Variants in PDE8A observed in about 807,000 individuals in gnomAD.
PDE8A encodes the protein phosphodiesterase 8A, also known as high affinity cAMP-specific and IBMX-insensitive 3',5'-cyclic phosphodiesterase 8A.
PDE8A carries 59 observed loss-of-function variants against 105.0 expected under a neutral mutation model. The ratio of observed to expected loss-of-function variants is 0.56; its 90% CI spans 0.46 to 0.70. The LOEUF (loss-of-function observed/expected upper bound fraction) is 0.70, where lower values mean the gene tolerates loss of function less well. Ranked by LOEUF, PDE8A falls within the 30% of genes least tolerant of loss-of-function variation. PDE8A has a pLI of 0.00. For missense variants in PDE8A, 1,014 were observed against 1,045.9 expected (o/e 0.97, Z 0.42); for synonymous variants, 355 against 371.9 (o/e 0.95, Z 0.52).
intron 11 of PDE8A, among the ~76,000 whole-genome samples, chr15:85,107,060 T>TA (rs1352630709): frequency 2.0e-5 from 3 of 152,138 alleles, no homozygotes; most frequent in Non-Finnish European, 4.4e-5. Flanking sequence ...GGCAAGACAA[T>TA]AAAGCAGGCT....
chr15:85,080,568 C>A (rs1432512539), intron 5 of PDE8A, among the ~76,000 whole-genome samples: 1 of 152,158 alleles, frequency 6.6e-6, no homozygotes, highest in Non-Finnish European at 1.5e-5. Context: ...TGTTTGAGGT[C>A]TCTTTGAAAG....
chr15:85,038,214 GGGGTGTGTGTGTGTGTGTGT>G (rs1264133510), intron 1 of PDE8A, among the ~76,000 whole-genome samples: 90 of 144,260 alleles, frequency 6.2e-4, no homozygotes, highest in Non-Finnish European at 1.1e-3. Flanking sequence ...CTCCAATTGG[GGGGTGTGTGTGTGTGTGTGT>G]GTGTGTGTGT....
chr15:85,011,105 A>G (rs1346086523), intron 1 of PDE8A, among the ~76,000 whole-genome samples: 5 of 152,156 alleles, frequency 3.3e-5, no homozygotes, highest in Non-Finnish European at 7.4e-5. Flanking sequence ...CTTTGCAAGT[A>G]TCATAAATAT....
intron 1 of PDE8A, among the ~76,000 whole-genome samples, chr15:85,024,218 T>C (rs2080475066): frequency 6.7e-6 from 1 of 148,382 alleles, no homozygotes; most frequent in South Asian, 2.1e-4. Context: ...TTAGCAGGTA[T>C]CATACCATAT....
chr15:85,057,619 C>T (rs534083884), intron 1 of PDE8A, among the ~76,000 whole-genome samples: 16 of 152,316 alleles, frequency 1.1e-4, no homozygotes, highest in South Asian at 1.0e-3. Context: ...ATGTCGCGCA[C>T]GCTGGGAGCT....
chr15:85,033,895 C>T (rs2080659331), intron 1 of PDE8A, among the ~76,000 whole-genome samples: 1 of 151,864 alleles, frequency 6.6e-6, no homozygotes, highest in African/African-American at 2.4e-5. Flanking sequence ...ACAAAAATTC[C>T]CTAAAGAAGG....
intron 8 of PDE8A, among the ~76,000 whole-genome samples, chr15:85,093,907 T>C (rs1236680376): frequency 6.6e-6 from 1 of 152,104 alleles, no homozygotes; most frequent in African/African-American, 2.4e-5. Flanking sequence ...TCACCCAGGC[T>C]GGAGTGCGGT....
intron 1 of PDE8A, among the ~76,000 whole-genome samples, chr15:84,987,344 C>A (rs2079818656): frequency 6.6e-6 from 1 of 152,108 alleles, no homozygotes; most frequent in Non-Finnish European, 1.5e-5. Flanking sequence ...CCAGCTTTGA[C>A]CCTCGCCTTG....
chr15:85,067,282 GACTC>G (rs1194542558), intron 3 of PDE8A, 78 bp downstream of exon 3: 2 of 1,025,892 alleles, frequency 1.9e-6, no homozygotes, highest in African/African-American at 3.3e-5. Flanking sequence ...GATTAAATTA[GACTC>G]ACTCTCTTTT....
chr15:85,068,693 G>A (rs1280518391), intron 3 of PDE8A, among the ~76,000 whole-genome samples: 13 of 152,102 alleles, frequency 8.5e-5, no homozygotes, highest in Non-Finnish European at 1.8e-4. Flanking sequence ...AATGGCTGCC[G>A]AGATAGAAGA....
At chr15:85,078,911 T>C (rs1273998186) in intron 5 of PDE8A, among the ~76,000 whole-genome samples, 1 of 152,246 alleles carries the variant, frequency 6.6e-6, no homozygotes, top group Non-Finnish European at 1.5e-5. Flanking sequence ...TTGTTTAACC[T>C]TTCTTTTGGG....
In PDE8A at chr15:85,098,013, A is replaced by G. The variant is rs770507644; in HGVS notation, c.918A>G (p.Ile306Met). ...NGDNIQQNVKIIPVIGQGGKI... is the reference protein window; with the variant it reads ...NGDNIQQNVKMIPVIGQGGKI... ...ATAATATACAACAAAATGTGAAGAT[A>G]ATACCTGTCATTGGACAGGGAGGGT... is the stretch of plus-strand genomic sequence containing the variant. Residue 306 changes from isoleucine (I) to methionine (M), a missense_variant, in exon 9 of 22, where the codon ATA (isoleucine) becomes ATG (methionine). Ile to Met is a conservative substitution (Grantham distance 10). Coordinates refer to ENST00000394553, the MANE Select transcript of PDE8A (RefSeq NM_002605.3). 5 of 1,599,706 alleles carry G rather than the reference A, an allele frequency of 3.1e-6. No homozygotes were observed. Among genetic ancestry groups the G allele is most frequent in the Admixed American group, 1.7e-5 (1 of 59,894 alleles).
At chr15:84,981,136 G>A (rs1209516580), upstream of PDE8A, among the ~76,000 whole-genome samples, 2 of 152,238 alleles carry the variant, frequency 1.3e-5, no homozygotes, top group Non-Finnish European at 2.9e-5. Flanking sequence ...GCCGGAATTC[G>A]AATTTGGCGG....
chr15:85,038,158 C>T (rs289386), intron 1 of PDE8A, among the ~76,000 whole-genome samples: 81,907 of 151,646 alleles, frequency 0.54, 22,149 homozygotes, highest in South Asian at 0.56. Flanking sequence ...TTGAGTTATC[C>T]TTCTTAGCTC....
At chr15:85,058,115 C>T (rs34054841) in intron 1 of PDE8A, among the ~76,000 whole-genome samples, 1 of 152,084 alleles carries the variant, frequency 6.6e-6, no homozygotes, top group Non-Finnish European at 1.5e-5. Flanking sequence ...GGGTCTTGCT[C>T]TGTTGCCCAA....
intron 1 of PDE8A, among the ~76,000 whole-genome samples, chr15:84,987,868 T>TA (rs1274410842): frequency 6.6e-6 from 1 of 152,006 alleles, no homozygotes; most frequent in Non-Finnish European, 1.5e-5. Context: ...CAGAATATTT[T>TA]AAAAAATTTT....
intron 1 of PDE8A, among the ~76,000 whole-genome samples, chr15:85,044,575 A>G (rs1202633186): frequency 6.6e-6 from 1 of 152,238 alleles, no homozygotes; most frequent in African/African-American, 2.4e-5. Flanking sequence ...TCAGATAATC[A>G]GAACTCTGGT....
intron 1 of PDE8A, among the ~76,000 whole-genome samples, chr15:84,982,885 A>T (rs1407924891): frequency 1.3e-5 from 2 of 152,204 alleles, no homozygotes; most frequent in African/African-American, 4.8e-5. Context: ...GCTTTGCTTC[A>T]TTGCACATGT....
chr15:85,098,446 A>C (rs1273421970), intron 9 of PDE8A, among the ~76,000 whole-genome samples: 1 of 152,236 alleles, frequency 6.6e-6, no homozygotes, highest in African/African-American at 2.4e-5. Flanking sequence ...ACTAACAGTT[A>C]TGGACATTCC....
Sources: allele counts gnomAD v4.1 joint callset (sites outside exome capture counted in the v4.1 genomes callset), GRCh38; gene constraint gnomAD v4.1.1; transcripts MANE v1.5; gene names NCBI Gene and HGNC (gene_info 2026-07-23, HGNC 2026-07-21).